Variants in MRM1 observed in about 807,000 individuals in gnomAD.
The protein encoded by MRM1 is rRNA methyltransferase 1, mitochondrial.
A neutral mutation model predicts 25.0 loss-of-function variants in MRM1; 24 were observed. The observed-to-expected ratio is 0.96, with a 90% CI of 0.69 to 1.35. The LOEUF (loss-of-function observed/expected upper bound fraction) is 1.35. MRM1 is among the 40% of genes most tolerant of loss of function. The probability of loss-of-function intolerance (pLI) is 0.00; values close to 1 mark genes in which losing one functional copy is unlikely to be tolerated. For missense variants in MRM1, 431 were observed against 464.1 expected, an observed-to-expected ratio of 0.93 and a Z score of 0.65; for synonymous variants, 188 against 199.2, an observed-to-expected ratio of 0.94 and a Z score of 0.47.
chr17:36,601,917 G>T lies in MRM1; in HGVS notation c.107G>T (p.Ser36Ile). 6.2e-7 allele frequency: 1 copy of T among 1,612,538 alleles called. No individual in the cohort carries two copies. ...GAGCGGCCTGGTGGGGAGGAGCTAA[G>T]CCGCTTGCTGCTGGATGACCTGGTG... ...HGERPGGEEL[S>I]RLLLDDLVPT... Residue 36 changes from serine to isoleucine, a missense_variant, in exon 1 of 5, where the codon AGC (serine) becomes ATC (isoleucine). Transcript: ENST00000614766.
the MRM1 span, among the ~76,000 whole-genome samples, chr17:36,616,310 T>C: frequency 3.0e-3 from 464 of 152,232 alleles, 3 homozygotes; most frequent in African/African-American, 0.011. Context: ...GCCTTGACCT[T>C]CCACTTTCAA....
chr17:36,632,760 C>T, the MRM1 span, among the ~76,000 whole-genome samples: 45 of 152,214 alleles, frequency 3.0e-4, no homozygotes, highest in Non-Finnish European at 2.6e-4. Flanking sequence ...ACGAAAAGAG[C>T]TTTTCTGGCT....
At chr17:36,609,351 T>C (rs1023680622), downstream of MRM1, among the ~76,000 whole-genome samples, 6 of 152,176 alleles carry the variant, frequency 3.9e-5, no homozygotes, top group African/African-American at 1.4e-4. Flanking sequence ...ACATGATGGG[T>C]GTGGCGCCAC....
chr17:36,634,303 C>T, the MRM1 span: 2 of 152,234 alleles, frequency 1.3e-5, no homozygotes, highest in Non-Finnish European at 2.9e-5. Flanking sequence ...ATCCTGAGTG[C>T]TATGAACTGG....
chr17:36,603,968 G>C (rs561991446), intron 2 of MRM1, among the ~76,000 whole-genome samples: 1 of 152,276 alleles, frequency 6.6e-6, no homozygotes, highest in South Asian at 2.1e-4. Flanking sequence ...AAACACTGCA[G>C]AACATCCACT....
chr17:36,603,771 G>C (rs2074903939), intron 2 of MRM1, among the ~76,000 whole-genome samples: 2 of 152,154 alleles, frequency 1.3e-5, no homozygotes, highest in Admixed American at 1.3e-4. Flanking sequence ...ACCTCGATTT[G>C]AATTAGCCAC....
At chr17:36,630,866 G>A in the MRM1 span, among the ~76,000 whole-genome samples, 1 of 152,142 alleles carries the variant, frequency 6.6e-6, no homozygotes, top group Non-Finnish European at 1.5e-5. Context: ...AACCTCATGT[G>A]GGCTAGGCAC....
the MRM1 span, among the ~76,000 whole-genome samples, chr17:36,614,871 C>T: frequency 6.6e-6 from 1 of 152,284 alleles, no homozygotes; most frequent in East Asian, 1.9e-4. Flanking sequence ...TCTTAAATCG[C>T]AGAACTGTAT....
At chr17:36,617,002 A>G in the MRM1 span, among the ~76,000 whole-genome samples, 1 of 152,186 alleles carries the variant, frequency 6.6e-6, no homozygotes. Flanking sequence ...CTGGGATTAC[A>G]GGCATGAACC....
At chr17:36,632,640 CT>C in the MRM1 span, among the ~76,000 whole-genome samples, 4 of 152,122 alleles carry the variant, frequency 2.6e-5, no homozygotes, top group Non-Finnish European at 1.5e-5. Context: ...TCTTTCTCAG[CT>C]CATTGATTGA....
chr17:36,621,718 C>T, the MRM1 span, among the ~76,000 whole-genome samples: 3 of 152,308 alleles, frequency 2.0e-5, no homozygotes, highest in African/African-American at 7.2e-5. Flanking sequence ...CCTGCAGCTA[C>T]GCCGGGGAAA....
intron 2 of MRM1, among the ~76,000 whole-genome samples, chr17:36,605,625 G>A (rs1015460068): frequency 6.6e-6 from 1 of 150,950 alleles, no homozygotes; most frequent in South Asian, 2.1e-4. Context: ...GTTGCCTACT[G>A]CACAGTTGTT....
At chr17:36,613,202 C>T (rs2074987055), downstream of MRM1, among the ~76,000 whole-genome samples, 1 of 152,028 alleles carries the variant, frequency 6.6e-6, no homozygotes, top group African/African-American at 2.4e-5. Context: ...CAATCCCCCT[C>T]CCCCTAGGTT....
chr17:36,613,570 CCCT>C (rs966671481), downstream of MRM1, among the ~76,000 whole-genome samples: 2 of 152,164 alleles, frequency 1.3e-5, no homozygotes, highest in African/African-American at 4.8e-5. Context: ...AGCTAGAGGT[CCCT>C]CCTCCTCCTT....
At chr17:36,605,148 A>G (rs1304648640) in intron 2 of MRM1, among the ~76,000 whole-genome samples, 1 of 146,012 alleles carries the variant, frequency 6.8e-6, no homozygotes, top group Non-Finnish European at 1.5e-5. Context: ...CTCAAAAAAA[A>G]AAAAAAGAGA....
intron 4 of MRM1, 26 bp downstream of exon 4, chr17:36,608,044 C>T (rs747822459): frequency 3.5e-5 from 56 of 1,611,114 alleles, no homozygotes; most frequent in Admixed American, 1.3e-4. Flanking sequence ...TTTCCCTTTC[C>T]TCTATCCCTC....
At chr17:36,612,126 A>T (rs1447172889), downstream of MRM1, among the ~76,000 whole-genome samples, 1 of 151,268 alleles carries the variant, frequency 6.6e-6, no homozygotes, top group Non-Finnish European at 1.5e-5. Context: ...CCCCCCACAG[A>T]CTCCTCCATG....
Position 36,601,922 on chromosome 17 carries a change from T to C in MRM1, c.112T>C (p.Leu38=). Residue 38 remains leucine, a synonymous_variant, in exon 1 of 5, where the codon TTG becomes CTG. Coordinates refer to ENST00000614766, the MANE Select transcript of MRM1 (RefSeq NM_024864.5). The part of the protein sequence containing the change: ...ERPGGEELSR[L]LLDDLVPTSR... ...GCCTGGTGGGGAGGAGCTAAGCCGC[T>C]TGCTGCTGGATGACCTGGTGCCGAC... 1 of 1,612,766 alleles carries C rather than the reference T, an allele frequency of 6.2e-7. No individual in the cohort carries two copies. Among genetic ancestry groups the C allele is most frequent in the Non-Finnish European group, 8.5e-7 (1 of 1,179,838 alleles).
At chr17:36,603,710 T>C (rs555129623) in intron 2 of MRM1, among the ~76,000 whole-genome samples, 13 of 152,346 alleles carry the variant, frequency 8.5e-5, no homozygotes, top group Admixed American at 8.5e-4. Context: ...TTAAAAAATA[T>C]TATTAATGAA....
Sources: gnomAD v4.1 joint callset for allele counts (sites outside exome capture counted in the v4.1 genomes callset) on GRCh38, gnomAD v4.1.1 for gene constraint, MANE v1.5 for transcripts, NCBI Gene and HGNC (gene_info 2026-07-23, HGNC 2026-07-21) for gene names.